CC2D2B: variants seen among roughly 807,000 people sequenced by gnomAD.
CC2D2B encodes protein CC2D2B.
Under a neutral mutation model 161.2 loss-of-function variants are expected in CC2D2B, and 128 were observed. That is an observed-to-expected ratio of 0.79 (90% CI 0.69 to 0.92). The LOEUF (loss-of-function observed/expected upper bound fraction) is 0.92, where lower values mean the gene tolerates loss of function less well. Ranked by LOEUF, CC2D2B falls within the 40% of genes least tolerant of loss-of-function variation. The pLI is 0.00. For synonymous variants in CC2D2B, 391 were observed against 449.8 expected, an observed-to-expected ratio of 0.87 and a Z score of 1.65; for missense variants, 1,173 against 1,375.1, an observed-to-expected ratio of 0.85 and a Z score of 2.32.
chr10:95,992,745 A>G (rs2078003466), intron 22 of CC2D2B, 48 bp downstream of exon 22: 3 of 1,126,724 alleles, frequency 2.7e-6, no homozygotes, highest in South Asian at 4.5e-5. Context: ...GTCTATTTTA[A>G]ATGTGAGAAT....
At position 95,997,962 on chromosome 10, in the gene CC2D2B, C is replaced by T. The variant is rs571955260; in HGVS notation, c.2849+1710C>T. 2.0e-5 allele frequency among the ~76,000 whole-genome samples: 3 copies of T among 152,220 alleles called. No homozygotes were observed. In the East Asian group the frequency reaches 5.8e-4, roughly 29 times the overall value. ...TCCCAACAGCAGTATATACAATTTC[C>T]TTTTGTGCCATGTCTTCATAATATT... On this transcript the variant is annotated intron_variant, in intron 24 of 34. Transcript: ENST00000646931.
chr10:95,947,712 G>T (rs2076271189), intron 9 of CC2D2B, among the ~76,000 whole-genome samples: 1 of 151,716 alleles, frequency 6.6e-6, no homozygotes, highest in Non-Finnish European at 1.5e-5. Flanking sequence ...ACTGCACACT[G>T]CATTCCAGCC....
At position 95,973,993 on chromosome 10, in the gene CC2D2B, T is replaced by C; in HGVS notation, c.1796-16T>C. The C allele has an allele frequency of 1.6e-6, 2 of 1,226,738 alleles. No individual in the cohort carries two copies. The highest frequency in any genetic ancestry group is 3.1e-5 in the African/African-American group (2 of 64,428). The allele number at this position is 1,226,738 out of a possible 1,614,324, so 76.0% of individuals were successfully genotyped here. A position where few individuals can be genotyped will look rare whatever the true frequency, so the allele number is the denominator to read the frequency against. On this transcript the variant is annotated splice_polypyrimidine_tract_variant and intron_variant, in intron 16 of 34. Coordinates refer to ENST00000646931, the MANE Select transcript of CC2D2B (RefSeq NM_001349008.3). Reference sequence around the variant, plus strand: ...CTTAAAACAATTCATATGTTTTTAATGCCTTTTATAAACAGATGTGCCTTT... The same window carrying C: ...CTTAAAACAATTCATATGTTTTTAACGCCTTTTATAAACAGATGTGCCTTT...
At chr10:96,014,574 A>G (rs2079112558) in intron 29 of CC2D2B, among the ~76,000 whole-genome samples, 2 of 152,258 alleles carry the variant, frequency 1.3e-5, no homozygotes, top group Non-Finnish European at 2.9e-5. Flanking sequence ...ACAAACAAAC[A>G]ACCTTGGTTC....
chr10:96,004,096 G>A (rs879311078), intron 24 of CC2D2B, 56 bp from the exon 25 acceptor site: 2 of 1,002,262 alleles, frequency 2.0e-6, no homozygotes, highest in Non-Finnish European at 2.9e-6. Flanking sequence ...GTGCTCTTAG[G>A]AAATAAGTGG....
At chr10:95,925,869 T>A (rs2098537441) in intron 5 of CC2D2B, among the ~76,000 whole-genome samples, 1 of 152,190 alleles carries the variant, frequency 6.6e-6, no homozygotes, top group Admixed American at 6.5e-5. Flanking sequence ...GGAAACTGCA[T>A]ATCATATCAT....
chr10:96,017,627 C>G (rs879708748), intron 30 of CC2D2B, among the ~76,000 whole-genome samples: 6 of 152,042 alleles, frequency 3.9e-5, no homozygotes, highest in Admixed American at 1.3e-4. Flanking sequence ...GACAGTCAGA[C>G]ACAGGTTTAA....
chr10:95,962,557 A>G (rs1287665508), intron 12 of CC2D2B, among the ~76,000 whole-genome samples: 1 of 152,164 alleles, frequency 6.6e-6, no homozygotes, highest in African/African-American at 2.4e-5. Context: ...AGATTATTTG[A>G]TAAAATCATA....
chr10:95,932,111 A>G (rs896508876), intron 6 of CC2D2B, among the ~76,000 whole-genome samples: 3 of 152,208 alleles, frequency 2.0e-5, no homozygotes, highest in Non-Finnish European at 4.4e-5. Flanking sequence ...TTCTTGTTGC[A>G]TCAATCCTTT....
intron 17 of CC2D2B, among the ~76,000 whole-genome samples, chr10:95,976,266 C>G (rs929244748): frequency 6.6e-6 from 1 of 152,174 alleles, no homozygotes. Context: ...TTTCTGCTCA[C>G]CCATTCCCTT....
rs138650161 is a variant in CC2D2B at position 95,968,019 on chromosome 10, G to A, written c.1467-705G>A. 3.9e-5 allele frequency among the ~76,000 whole-genome samples: 6 copies of A among 152,264 alleles called. No individual in the cohort carries two copies. The South Asian group carries it at 8.3e-4, about 21-fold the overall frequency. On this transcript the variant is annotated intron_variant, in intron 14 of 34. Transcript: ENST00000646931. ...CTAGGAAAATATTCAATAAACATTG[G>A]TTGAGTGAATTAAACAACGAATGAA...
At chr10:95,975,554 C>A (rs959725753) in intron 17 of CC2D2B, among the ~76,000 whole-genome samples, 1 of 152,078 alleles carries the variant, frequency 6.6e-6, no homozygotes. Flanking sequence ...AAGTGATGAG[C>A]TTACAAAAGA....
rs1024044436 is a variant in CC2D2B, at chr10:96,011,204, G to A, written c.3046-981G>A. 2.6e-5 allele frequency among the ~76,000 whole-genome samples: 4 copies of A among 152,226 alleles called. No homozygotes were observed. In the South Asian group the frequency reaches 6.2e-4, roughly 24 times the overall value. On this transcript the variant is annotated intron_variant, in intron 26 of 34. Transcript: ENST00000646931. ...CAATCACATGAAGTCATGATGGCAC[G>A]TGTTGCAAAGACTGGCAATAGGAAT...
In CC2D2B at chr10:96,003,801, A is replaced by G. The variant is rs979729836; in HGVS notation, c.2850-351A>G. 2.6e-5 allele frequency among the ~76,000 whole-genome samples: 4 copies of G among 152,330 alleles called. No homozygotes were observed. In the East Asian group the frequency reaches 7.7e-4, roughly 29 times the overall value. ...CATATCTATTAACTGGGAATAAAAG[A>G]GCATTTTATCTCTATGTGTCAACTA... On this transcript the variant is annotated intron_variant, in intron 24 of 34. Coordinates refer to ENST00000646931, the MANE Select transcript of CC2D2B (RefSeq NM_001349008.3).
chr10:95,967,835 C>A (rs1216803593), intron 14 of CC2D2B, among the ~76,000 whole-genome samples: 2 of 152,076 alleles, frequency 1.3e-5, no homozygotes, highest in Non-Finnish European at 2.9e-5. Flanking sequence ...CAGAGATGGA[C>A]AGATAATAAG....
At chr10:95,975,660 G>C (rs900491204) in intron 17 of CC2D2B, among the ~76,000 whole-genome samples, 1 of 152,194 alleles carries the variant, frequency 6.6e-6, no homozygotes, top group African/African-American at 2.4e-5. Context: ...GTGAATAACT[G>C]TGGTTCTGGA....
chr10:95,909,079 G>A (rs1169652578), intron 1 of CC2D2B, among the ~76,000 whole-genome samples: 1 of 152,132 alleles, frequency 6.6e-6, no homozygotes, highest in Non-Finnish European at 1.5e-5. Flanking sequence ...GTTGCCTTTC[G>A]AAGACTTAAA....
At chr10:95,929,884 T>C (rs1411228149) in intron 6 of CC2D2B, among the ~76,000 whole-genome samples, 1 of 152,224 alleles carries the variant, frequency 6.6e-6, no homozygotes, top group East Asian at 1.9e-4. Context: ...CCAGGCTCTT[T>C]TTTGGTTCCA....
rs1373203136 is a variant in CC2D2B, at chr10:95,975,273, T to TTA, written c.1943+1124_1943+1125dup. 5.3e-5 allele frequency among the ~76,000 whole-genome samples: 8 copies of TTA among 152,250 alleles called. No homozygotes were observed. The East Asian group carries it at 1.4e-3, about 26-fold the overall frequency. Reference sequence around the variant, plus strand: ...TGTTTAAAAAAGAACAGGGAGAACATTATATATAAAAACCAGTAGCATATG... The same window carrying TTA: ...TGTTTAAAAAAGAACAGGGAGAACATTATATATATAAAAACCAGTAGCATATG... On this transcript the variant is annotated intron_variant, in intron 17 of 34. Coordinates refer to ENST00000646931, the MANE Select transcript of CC2D2B (RefSeq NM_001349008.3).
Sources: gnomAD v4.1 joint callset for allele counts (sites outside exome capture counted in the v4.1 genomes callset) on GRCh38, gnomAD v4.1.1 for gene constraint, MANE v1.5 for transcripts, NCBI Gene and HGNC (gene_info 2026-07-23, HGNC 2026-07-21) for gene names.